Variants in NR1H3 observed in about 807,000 individuals in gnomAD.
NR1H3 encodes nuclear receptor subfamily 1 group H member 3.
A neutral mutation model predicts 48.1 loss-of-function variants in NR1H3; 19 were observed. The ratio of observed to expected loss-of-function variants is 0.40; its 90% CI spans 0.28 to 0.58. The LOEUF is 0.58. Ranked by LOEUF, NR1H3 falls within the 20% of genes least tolerant of loss-of-function variation. The probability of loss-of-function intolerance (pLI) is 0.50; values close to 1 mark genes in which losing one functional copy is unlikely to be tolerated. For missense variants in NR1H3, 486 were observed against 595.9 expected, an observed-to-expected ratio of 0.82 and a Z score of 1.92; for synonymous variants, 232 against 227.3, an observed-to-expected ratio of 1.02 and a Z score of -0.19.
chr11:47,261,342 C>A lies in NR1H3; in HGVS notation c.601C>A (p.Gln201Lys), dbSNP rs778050783. ...GCCCCCCAGGGCTTCCTCACCCCCC[C>A]AAATCCTGCCCCAGCTCAGCCCGGA... ...SLPPRASSPP[Q>K]ILPQLSPEQL... The change falls in exon 5 of 10, where the codon CAA becomes AAA. Residue 201 changes from glutamine (Q) to lysine (K), a missense_variant. Physicochemically the swap from Gln to Lys is moderately conservative, Grantham distance 53. Coordinates refer to ENST00000441012, the MANE Select transcript of NR1H3 (RefSeq NM_005693.4). 3 of 1,614,148 alleles carry A rather than the reference C, an allele frequency of 1.9e-6. No homozygotes were observed. The highest frequency in any genetic ancestry group is 2.5e-6 in the Non-Finnish European group (3 of 1,180,026).
chr11:47,257,014 G>A (rs1000196549), upstream of NR1H3, among the ~76,000 whole-genome samples: 21 of 152,272 alleles, frequency 1.4e-4, no homozygotes, highest in African/African-American at 4.8e-4. Context: ...ACAGGCGTGA[G>A]CCACCGCGCC....
At chr11:47,248,763 G>C, upstream of NR1H3, 1 of 1,601,280 alleles carries the variant, frequency 6.2e-7, no homozygotes, top group Non-Finnish European at 8.5e-7. Context: ...GAGCCGCCCG[G>C]CTCCAGCCGG....
intron 7 of NR1H3, 49 bp downstream of exon 7, chr11:47,262,067 CTT>C: frequency 7.3e-7 from 1 of 1,372,874 alleles, no homozygotes. Flanking sequence ...ACAGATGCTT[CTT>C]TTTTTATTTT....
chr11:47,262,864 A>G (rs914130905), intron 7 of NR1H3, among the ~76,000 whole-genome samples: 3 of 152,154 alleles, frequency 2.0e-5, no homozygotes, highest in Middle Eastern at 3.2e-3. Context: ...CACAGGCCCA[A>G]TGTTTGGGTG....
chr11:47,260,384 C>T (rs560145458), intron 3 of NR1H3, 25 bp from the exon 4 acceptor site: 15 of 1,590,418 alleles, frequency 9.4e-6, no homozygotes, highest in African/African-American at 5.4e-5. Flanking sequence ...CGGGGGAGAG[C>T]GTTGAAGCAC....
At chr11:47,253,815 A>G (rs929534117), upstream of NR1H3, among the ~76,000 whole-genome samples, 1 of 152,192 alleles carries the variant, frequency 6.6e-6, no homozygotes, top group African/African-American at 2.4e-5. Flanking sequence ...GAGCCAAGGA[A>G]ACACAGAAGA....
At chr11:47,256,747 T>TG (rs748134433), upstream of NR1H3, among the ~76,000 whole-genome samples, 20 of 142,930 alleles carry the variant, frequency 1.4e-4, no homozygotes, top group East Asian at 1.1e-3. Flanking sequence ...TTTTTTTTTT[T>TG]GGGGACAGAG....
At chr11:47,266,545 G>A (rs1956492426) in intron 7 of NR1H3, among the ~76,000 whole-genome samples, 1 of 152,004 alleles carries the variant, frequency 6.6e-6, no homozygotes, top group Non-Finnish European at 1.5e-5. Context: ...TGTTGCCCAG[G>A]CTGGTCTCAA....
chr11:47,259,667 C>T, intron 2 of NR1H3, 124 bp from the exon 3 acceptor site: 1 of 1,530,468 alleles, frequency 6.5e-7, no homozygotes, highest in Non-Finnish European at 8.7e-7. Context: ...GGTCCCAAAG[C>T]CTGAGCTGGG....
chr11:47,259,480 T>C (rs1400589483), intron 2 of NR1H3: 9 of 1,547,880 alleles, frequency 5.8e-6, no homozygotes, highest in Admixed American at 2.0e-5. Context: ...GATTTGCTGC[T>C]AGAGAGTTGG....
At chr11:47,249,896 A>G (rs1954484281) in intron 1 of NR1H3, among the ~76,000 whole-genome samples, 1 of 151,934 alleles carries the variant, frequency 6.6e-6, no homozygotes, top group Non-Finnish European at 1.5e-5. Context: ...GTTCGAGACC[A>G]GCCTGGCCAA....
At chr11:47,250,598 T>G (rs749852750) in intron 1 of NR1H3, 3 of 152,196 alleles carry the variant, frequency 2.0e-5, no homozygotes, top group Non-Finnish European at 4.4e-5. Context: ...ACCTTCTTAT[T>G]TAATCACAAG....
In NR1H3 at chr11:47,265,796, T is replaced by C. The variant is rs60840010; in HGVS notation, c.989-2117T>C. Among the ~76,000 whole-genome samples, 13 of 152,216 alleles carry C rather than the reference T, an allele frequency of 8.5e-5. No individual in the cohort carries two copies. In the East Asian group the frequency reaches 2.5e-3, roughly 29 times the overall value. On this transcript the variant is annotated intron_variant, in intron 7 of 9. Transcript: ENST00000441012. ...CTGAGGCAGGAGAATTGCTTGAACCTGGGAGGCAGAGCTTGCAGTGAGCCG... is the reference window on the plus strand; with the variant it reads ...CTGAGGCAGGAGAATTGCTTGAACCCGGGAGGCAGAGCTTGCAGTGAGCCG...
At chr11:47,265,154 C>A (rs561080879) in intron 7 of NR1H3, among the ~76,000 whole-genome samples, 1 of 152,206 alleles carries the variant, frequency 6.6e-6, no homozygotes, top group East Asian at 1.9e-4. Flanking sequence ...ATTAGCTGGG[C>A]GTGGTGGTGC....
intron 1 of NR1H3, among the ~76,000 whole-genome samples, chr11:47,251,209 G>C (rs1954629090): frequency 1.3e-5 from 2 of 152,110 alleles, no homozygotes; most frequent in South Asian, 4.1e-4. Flanking sequence ...TCTATAATGG[G>C]CTGCTTCTTG....
At chr11:47,265,765 A>T (rs1340594261) in intron 7 of NR1H3, among the ~76,000 whole-genome samples, 2 of 152,080 alleles carry the variant, frequency 1.3e-5, no homozygotes, top group African/African-American at 4.8e-5. Context: ...CCAGCTACTC[A>T]AGAGGCTGAG....
intron 7 of NR1H3, among the ~76,000 whole-genome samples, chr11:47,264,550 G>A (rs1252683195): frequency 6.6e-6 from 1 of 152,084 alleles, no homozygotes; most frequent in Non-Finnish European, 1.5e-5. Flanking sequence ...CTTTTTCCTC[G>A]ATGGTTATTA....
In NR1H3 at chr11:47,260,681, T is replaced by A; in HGVS notation, c.499+6T>A. On this transcript the variant is annotated splice_donor_region_variant and intron_variant, in intron 4 of 9. Transcript: ENST00000441012. ...GGCTGGCATGCGGGAGGAGTGTGAG[T>A]TTCTGGGGCTGGAGTGGGGAAGAGG... 1.3e-6 allele frequency: 2 copies of A among 1,587,332 alleles called. No individual in the cohort carries two copies. Among genetic ancestry groups the A allele is most frequent in the Non-Finnish European group, 1.7e-6 (2 of 1,172,126 alleles).
chr11:47,249,101 G>C (rs1954380122), intron 1 of NR1H3: 1 of 1,182,766 alleles, frequency 8.5e-7, no homozygotes, highest in African/African-American at 1.5e-5. Flanking sequence ...CCTTACCAAG[G>C]TGGCACTTGC....
Sources: gnomAD v4.1 joint callset for allele counts (sites outside exome capture counted in the v4.1 genomes callset) on GRCh38, gnomAD v4.1.1 for gene constraint, MANE v1.5 for transcripts, NCBI Gene and HGNC (gene_info 2026-07-23, HGNC 2026-07-21) for gene names.